The following NAT10 variants were observed in gnomAD, a reference collection of about 807,000 sequenced individuals.
The protein encoded by NAT10 is RNA cytidine acetyltransferase.
In NAT10, 109 loss-of-function variants were observed where a neutral mutation model predicts 132.2. That is an observed-to-expected ratio of 0.82 (90% CI 0.71 to 0.97). The LOEUF (loss-of-function observed/expected upper bound fraction) is 0.97, where lower values mean the gene tolerates loss of function less well. NAT10 is among the 50% of genes least tolerant of loss of function. The pLI is 0.00. For synonymous variants in NAT10, 479 were observed against 478.0 expected, an observed-to-expected ratio of 1.00 and a Z score of -0.03; for missense variants, 1,184 against 1,263.4, an observed-to-expected ratio of 0.94 and a Z score of 0.95.
intron 28 of NAT10, among the ~76,000 whole-genome samples, chr11:34,145,382 T>TTAAG (rs1481829466): frequency 1.3e-5 from 2 of 152,222 alleles, no homozygotes; most frequent in African/African-American, 4.8e-5. Context: ...TGAGAGGTAC[T>TTAAG]TCATTCATAT....
chr11:34,107,627 T>C (rs557117009), intron 1 of NAT10, among the ~76,000 whole-genome samples: 15 of 152,338 alleles, frequency 9.8e-5, no homozygotes, highest in African/African-American at 3.4e-4. Context: ...ATCCATATCC[T>C]TAGTTGTTAA....
intron 16 of NAT10, among the ~76,000 whole-genome samples, chr11:34,133,904 G>T (rs1852153678): frequency 6.6e-6 from 1 of 151,562 alleles, no homozygotes; most frequent in South Asian, 2.1e-4. Context: ...TGTAATCCCA[G>T]CACTTTGGGA....
rs201648247 is a variant in NAT10 at position 34,130,977 on chromosome 11, A to G, written c.1369+40A>G. The G allele has an allele frequency of 3.9e-5, 62 of 1,609,890 alleles. No individual in the cohort carries two copies. The African/African-American group carries it at 6.8e-4, about 18-fold the overall frequency. On this transcript the variant is annotated intron_variant, in intron 13 of 28. Transcript: ENST00000257829. The stretch of plus-strand genomic sequence containing the variant: ...GACCCGGGTCCCGCGGTTCACAGCA[A>G]GGCCCTTCAGTCTTACTGATCCTCG...
intron 1 of NAT10, among the ~76,000 whole-genome samples, chr11:34,106,401 A>G (rs917672824): frequency 1.3e-5 from 2 of 149,796 alleles, no homozygotes; most frequent in African/African-American, 2.5e-5. Flanking sequence ...CCTTCATCTG[A>G]CCGGTCCCTC....
intron 12 of NAT10, among the ~76,000 whole-genome samples, chr11:34,129,573 G>A (rs895533436): frequency 1.6e-4 from 24 of 146,688 alleles, no homozygotes; most frequent in African/African-American, 5.8e-4. Flanking sequence ...ACATTCTATG[G>A]GTTTTTTCAC....
chr11:34,129,235 A>T (rs1401071727), intron 12 of NAT10, among the ~76,000 whole-genome samples: 2 of 152,216 alleles, frequency 1.3e-5, no homozygotes, highest in African/African-American at 2.4e-5. Context: ...GCAATTGCAC[A>T]TTCTACGTTC....
chr11:34,129,906 G>A (rs545459171), intron 12 of NAT10, among the ~76,000 whole-genome samples: 5 of 152,028 alleles, frequency 3.3e-5, no homozygotes, highest in African/African-American at 1.2e-4. Context: ...ACCATGCCCG[G>A]CCACTTTCTT....
At chr11:34,129,427 C>G (rs1852060719) in intron 12 of NAT10, among the ~76,000 whole-genome samples, 1 of 152,058 alleles carries the variant, frequency 6.6e-6, no homozygotes, top group African/African-American at 2.4e-5. Flanking sequence ...CACGTATGTT[C>G]TTTGGAGAAA....
intron 16 of NAT10, among the ~76,000 whole-genome samples, chr11:34,133,430 A>G (rs950429193): frequency 1.3e-5 from 2 of 152,162 alleles, no homozygotes; most frequent in African/African-American, 4.8e-5. Context: ...TTCTCCCTTT[A>G]TTACAAAAGC....
chr11:34,120,142 G>GGT (rs780098143), intron 8 of NAT10, among the ~76,000 whole-genome samples: 1 of 80,356 alleles, frequency 1.2e-5, no homozygotes, highest in African/African-American at 4.4e-5. Flanking sequence ...TGTTGCTGTT[G>GGT]GTTTTTTTTT....
intron 28 of NAT10, among the ~76,000 whole-genome samples, chr11:34,144,603 G>C (rs976076680): frequency 1.1e-4 from 16 of 152,212 alleles, no homozygotes; most frequent in African/African-American, 3.6e-4. Context: ...TTTTGACCTT[G>C]TGGACACCTG....
Position 34,118,422 on chromosome 11 carries a change from G to A in NAT10, c.699G>A (p.Leu233=), listed in dbSNP as rs777162240. ...ATGAGAGTCTTGGTCCTTCTGATCT[G>A]GAGCTGAGGGAGTTGAAGGAGAGCT... ...TPDESLGPSD[L]ELRELKESLQ... The change falls in exon 8 of 29, where the codon CTG becomes CTA. Residue 233 remains leucine, a synonymous_variant. Transcript: ENST00000257829. 1 of 1,614,124 alleles carries A rather than the reference G, an allele frequency of 6.2e-7. No homozygotes were observed. The highest frequency in any genetic ancestry group is 1.1e-5 in the South Asian group (1 of 91,076).
At position 34,124,312 on chromosome 11, in the gene NAT10, A is replaced by G; in HGVS notation, c.1019A>G (p.Asp340Gly). ...TTGACTCCCCACCAGGAACATCTGG[A>G]TTATGAGATTATCCAGTCTCTAAAT... ...FDALQYQEHL[D>G]YEIIQSLNPE... Residue 340 changes from aspartate (D) to glycine (G), a missense_variant, in exon 11 of 29, where the codon GAT (aspartate) becomes GGT (glycine). Coordinates refer to ENST00000257829, the MANE Select transcript of NAT10 (RefSeq NM_024662.3). 1 of 1,611,880 alleles carries G rather than the reference A, an allele frequency of 6.2e-7. No homozygotes were observed. Among genetic ancestry groups the G allele is most frequent in the Non-Finnish European group, 8.5e-7 (1 of 1,178,852 alleles).
chr11:34,140,192 T>A (rs1852294634), intron 23 of NAT10, among the ~76,000 whole-genome samples: 2 of 152,184 alleles, frequency 1.3e-5, no homozygotes, highest in Non-Finnish European at 2.9e-5. Context: ...AAGGGTCCTG[T>A]GGCAGCCGTC....
Position 34,118,240 on chromosome 11 carries a change from C to T in NAT10, c.618C>T (p.Ile206=). 1.2e-6 allele frequency: 2 copies of T among 1,614,192 alleles called. No homozygotes were observed. The highest frequency in any genetic ancestry group is 1.7e-6 in the Non-Finnish European group (2 of 1,180,026). Residue 206 remains isoleucine (I), a synonymous_variant, in exon 7 of 29, where the codon ATC becomes ATT. Coordinates refer to ENST00000257829, the MANE Select transcript of NAT10 (RefSeq NM_024662.3). ...KCLVIDDQLN[I]LPISSHVATM... is the part of the protein sequence containing the mutation. ...TCGTCATTGATGACCAGCTCAACAT[C>T]CTGCCCATCTCCTCCCACGTTGCCA...
chr11:34,142,409 C>A, intron 27 of NAT10, 61 bp downstream of exon 27: 1 of 1,438,336 alleles, frequency 7.0e-7, no homozygotes, highest in Non-Finnish European at 9.8e-7. Flanking sequence ...AATCTGCCTA[C>A]ACGTTTCTTC....
At chr11:34,115,228 C>A (rs894421795) in intron 5 of NAT10, among the ~76,000 whole-genome samples, 1 of 152,184 alleles carries the variant, frequency 6.6e-6, no homozygotes, top group Admixed American at 6.5e-5. Flanking sequence ...ATTTCCAGAT[C>A]TTAGAAGAGT....
chr11:34,136,729 C>G lies in NAT10; in HGVS notation c.2116C>G (p.Leu706Val), dbSNP rs771064893. Reference sequence around the variant, plus strand: ...ATTGAATGAGAGGCCTGCCGAACGCCTGGATTACCTGGGTGTTTCCTATGG... The same window carrying G: ...ATTGAATGAGAGGCCTGCCGAACGCGTGGATTACCTGGGTGTTTCCTATGG... ...LKLNERPAER[L>V]DYLGVSYGLT... The change falls in exon 20 of 29, where the codon CTG (leucine) becomes GTG (valine). Residue 706 changes from leucine (L) to valine (V), a missense_variant. Leu to Val is a conservative substitution (Grantham distance 32). Coordinates refer to ENST00000257829, the MANE Select transcript of NAT10 (RefSeq NM_024662.3). 1.9e-6 allele frequency: 3 copies of G among 1,614,166 alleles called. No individual in the cohort carries two copies. The South Asian group carries it at 3.3e-5, about 18-fold the overall frequency.
chr11:34,108,038 T>G (rs567175933), intron 1 of NAT10, among the ~76,000 whole-genome samples, 173 bp from the exon 2 acceptor site: 1 of 152,320 alleles, frequency 6.6e-6, no homozygotes, highest in South Asian at 2.1e-4. Flanking sequence ...AAGCCTAAGG[T>G]TTCCTGAGTT....
Sources: gnomAD v4.1 joint callset for allele counts (sites outside exome capture counted in the v4.1 genomes callset) on GRCh38, gnomAD v4.1.1 for gene constraint, MANE v1.5 for transcripts, NCBI Gene and HGNC (gene_info 2026-07-23, HGNC 2026-07-21) for gene names.